The following NUAK1 variants were observed in gnomAD, a reference collection of about 807,000 sequenced individuals.
The protein encoded by NUAK1 is NUAK family SNF1-like kinase 1.
Under a neutral mutation model 56.9 loss-of-function variants are expected in NUAK1, and 26 were observed. That is an observed-to-expected ratio of 0.46 (90% confidence interval 0.33 to 0.63). The LOEUF (loss-of-function observed/expected upper bound fraction) is 0.63, where lower values mean the gene tolerates loss of function less well. Ranked by LOEUF, NUAK1 falls within the 30% of genes least tolerant of loss-of-function variation. The pLI is 0.02. For synonymous variants in NUAK1, 337 were observed against 336.0 expected, an observed-to-expected ratio of 1.00 and a Z score of -0.03; for missense variants, 727 against 876.1, an observed-to-expected ratio of 0.83 and a Z score of 2.15.
chr12:106,138,503 A>G lies in NUAK1; in HGVS notation c.151T>C (p.Leu51=). The change falls in exon 1 of 7, where the codon TTG becomes CTG. Residue 51 remains leucine, a synonymous_variant. Coordinates refer to ENST00000261402, the MANE Select transcript of NUAK1 (RefSeq NM_014840.3). The surrounding 1 kb of genome is among the most constrained non-coding windows in gnomAD (Gnocchi z 5.0). ...TCCTGCAGCTCGTAGCGGTGCTTCA[A>G]GTTGTGCTTGTGGTGATGCCGCTTC... ...GVKRHHHKHN[L]KHRYELQETL... 1.2e-6 allele frequency: 2 copies of G among 1,613,228 alleles called. No individual in the cohort carries two copies. The highest frequency in any genetic ancestry group is 1.7e-6 in the Non-Finnish European group (2 of 1,179,770).
intron 3 of NUAK1, 182 bp from the exon 4 acceptor site, chr12:106,084,111 G>A (rs939533105): frequency 3.0e-5 from 18 of 597,626 alleles, no homozygotes; most frequent in Non-Finnish European, 4.5e-5. Context: ...CCCCGCCAGC[G>A]ACCAACCAGC....
intron 4 of NUAK1, among the ~76,000 whole-genome samples, chr12:106,079,789 A>T (rs2032498204): frequency 1.3e-5 from 2 of 152,218 alleles, no homozygotes; most frequent in South Asian, 4.1e-4. Context: ...TAGAGCAGGT[A>T]CCTTCTCTTC....
intron 4 of NUAK1, among the ~76,000 whole-genome samples, chr12:106,077,602 C>G (rs2032477326): frequency 6.6e-6 from 1 of 152,156 alleles, no homozygotes; most frequent in Non-Finnish European, 1.5e-5. Flanking sequence ...CACTTGAGTT[C>G]AAATCTCAGC....
Position 106,067,447 on chromosome 12 carries a change from C to A in NUAK1, c.1341G>T (p.Glu447Asp). ...RTGVLLPSSP[E>D]AEVPGKLSPK... ...GGCTGAGTTTTCCCGGCACCTCTGC[C>A]TCTGGTGAGCTTGGGAGGAGCACGC... Residue 447 changes from glutamate to aspartate, a missense_variant, in exon 7 of 7, where the codon GAG (glutamate) becomes GAT (aspartate). Glu to Asp is a conservative substitution (Grantham distance 45, BLOSUM62 2). Transcript: ENST00000261402. This position sits in a 1 kb window ranked among gnomAD's most constrained non-coding sequence, Gnocchi z 6.0. 6.2e-7 allele frequency: 1 copy of A among 1,614,202 alleles called. No individual in the cohort carries two copies. The highest frequency in any genetic ancestry group is 8.5e-7 in the Non-Finnish European group (1 of 1,180,046).
chr12:106,099,499 A>T (rs2032727481), intron 2 of NUAK1, among the ~76,000 whole-genome samples: 1 of 152,194 alleles, frequency 6.6e-6, no homozygotes, highest in Non-Finnish European at 1.5e-5. Flanking sequence ...CAGGGTCAAG[A>T]ACAATACTTC....
chr12:106,105,039 C>T (rs987539296), intron 2 of NUAK1, among the ~76,000 whole-genome samples: 1 of 151,926 alleles, frequency 6.6e-6, no homozygotes, highest in Non-Finnish European at 1.5e-5. Flanking sequence ...CTGCAACCTC[C>T]GTCTCCCTAG....
chr12:106,131,942 C>G (rs1482671335), intron 1 of NUAK1, among the ~76,000 whole-genome samples: 1 of 152,230 alleles, frequency 6.6e-6, no homozygotes, highest in Non-Finnish European at 1.5e-5. Flanking sequence ...CTGTGCTCTA[C>G]AATGTCGTCT....
intron 2 of NUAK1, among the ~76,000 whole-genome samples, chr12:106,087,949 G>T (rs7967838): frequency 0.38 from 58,099 of 152,082 alleles, 14,270 homozygotes; most frequent in African/African-American, 0.7. Context: ...GCCGGTTCCC[G>T]GCCACCAGGT....
At chr12:106,132,674 C>A (rs1425799365) in intron 1 of NUAK1, among the ~76,000 whole-genome samples, 1 of 152,196 alleles carries the variant, frequency 6.6e-6, no homozygotes, top group African/African-American at 2.4e-5. Context: ...TGATTCATTA[C>A]AACAAACTCC....
At chr12:106,108,451 C>T (rs991180641) in intron 1 of NUAK1, among the ~76,000 whole-genome samples, 5 of 152,172 alleles carry the variant, frequency 3.3e-5, no homozygotes, top group African/African-American at 9.7e-5. Flanking sequence ...CTCAGAGCTA[C>T]CCCAAGTCCT....
chr12:106,071,634 T>A (rs1005810180), intron 5 of NUAK1, among the ~76,000 whole-genome samples: 13 of 152,162 alleles, frequency 8.5e-5, no homozygotes, highest in African/African-American at 3.1e-4. Context: ...TAATAAAAAC[T>A]AAGGTGGCCA....
At chr12:106,082,078 A>G (rs561529618) in intron 4 of NUAK1, among the ~76,000 whole-genome samples, 1 of 152,220 alleles carries the variant, frequency 6.6e-6, no homozygotes, top group African/African-American at 2.4e-5. Flanking sequence ...GTAACAGTTA[A>G]GCATGAATTG....
intron 4 of NUAK1, among the ~76,000 whole-genome samples, chr12:106,074,753 G>A (rs918518578): frequency 6.6e-6 from 1 of 151,980 alleles, no homozygotes; most frequent in Non-Finnish European, 1.5e-5. Flanking sequence ...GCCCCTAGAA[G>A]CAGCCTATTT....
At chr12:106,069,043 C>T (rs2032376103) in intron 6 of NUAK1, among the ~76,000 whole-genome samples, 1 of 152,212 alleles carries the variant, frequency 6.6e-6, no homozygotes, top group Non-Finnish European at 1.5e-5. Context: ...CCAAAAAGAA[C>T]AGGCTGGCTT....
intron 2 of NUAK1, among the ~76,000 whole-genome samples, chr12:106,088,846 C>T (rs2032602892): frequency 6.6e-6 from 1 of 152,210 alleles, no homozygotes; most frequent in Non-Finnish European, 1.5e-5. Flanking sequence ...CCCTGTCCTC[C>T]CATACCTTGT....
Position 106,067,189 on chromosome 12 carries a change from C to T in NUAK1, c.1599G>A (p.Ala533=), listed in dbSNP as rs56028711. 8.4e-5 allele frequency: 136 copies of T among 1,613,846 alleles called. No individual in the cohort carries two copies. Among genetic ancestry groups the T allele is most frequent in the East Asian group, 7.4e-4 (33 of 44,872 alleles). ...TGACCAGGGCTGGGTCCATGGTGCC[C>T]GCTGAGTATTTGCTGCTGTGTTTCA... ...GILKHSSKYS[A]GTMDPALVSP... is the part of the protein sequence containing the mutation. Residue 533 remains alanine (A), a synonymous_variant, in exon 7 of 7, where the codon GCG becomes GCA. Transcript: ENST00000261402. This position sits in a 1 kb window ranked among gnomAD's most constrained non-coding sequence, Gnocchi z 6.0.
At chr12:106,111,746 T>C (rs1024672748) in intron 1 of NUAK1, among the ~76,000 whole-genome samples, 4 of 152,166 alleles carry the variant, frequency 2.6e-5, no homozygotes, top group Middle Eastern at 3.4e-3. Flanking sequence ...TTTAAATCAG[T>C]GGCAATATTC....
At position 106,067,303 on chromosome 12, in the gene NUAK1, A is replaced by G; in HGVS notation, c.1485T>C (p.Asp495=). The change falls in exon 7 of 7, where the codon GAT becomes GAC. Residue 495 remains aspartate, a synonymous_variant. Coordinates refer to ENST00000261402, the MANE Select transcript of NUAK1 (RefSeq NM_014840.3). This position sits in a 1 kb window ranked among gnomAD's most constrained non-coding sequence, Gnocchi z 6.0. ...GGGAGGGGATGCTGCTGCCCATCAC[A>G]TCATTACTGTCCAACAGCTCCGAAG... is the stretch of plus-strand genomic sequence containing the variant. ...SESSELLDSN[D]VMGSSIPSPS... The G allele has an allele frequency of 6.2e-7, 1 of 1,614,124 alleles. No homozygotes were observed. Among genetic ancestry groups the G allele is most frequent in the African/African-American group, 1.3e-5 (1 of 75,034 alleles).
chr12:106,080,428 C>A (rs1448918564), intron 4 of NUAK1, among the ~76,000 whole-genome samples: 1 of 152,136 alleles, frequency 6.6e-6, no homozygotes, highest in African/African-American at 2.4e-5. Flanking sequence ...GTGAATTTGG[C>A]CCGTTTTTTA....
Sources: gnomAD v4.1 joint callset for allele counts (sites outside exome capture counted in the v4.1 genomes callset) on GRCh38, gnomAD v4.1.1 for gene constraint, Gnocchi (gnomAD v3.1) non-coding constraint, MANE v1.5 for transcripts, NCBI Gene and HGNC (gene_info 2026-07-23, HGNC 2026-07-21) for gene names.